The following SORCS2 variants were observed in gnomAD, a reference collection of about 807,000 sequenced individuals.
SORCS2 encodes sortilin related VPS10 domain containing receptor 2, also known as VPS10 domain-containing receptor SorCS2.
In SORCS2, 100 loss-of-function variants were observed where a neutral mutation model predicts 141.6. That is an observed-to-expected ratio of 0.71 (90% CI 0.60 to 0.83). The LOEUF is 0.83. Among genes scored for constraint, SORCS2 ranks in the 40% least tolerant of loss-of-function variants. The probability of loss-of-function intolerance (pLI) is 0.00; values close to 1 mark genes in which losing one functional copy is unlikely to be tolerated. For missense variants in SORCS2, 1,646 were observed against 1,560.2 expected (o/e 1.05, Z -0.93); for synonymous variants, 789 against 676.9 (o/e 1.17, Z -2.57).
intron 2 of SORCS2, among the ~76,000 whole-genome samples, chr4:7,413,781 C>A (rs996280219): frequency 1.3e-5 from 2 of 152,138 alleles, no homozygotes; most frequent in Non-Finnish European, 2.9e-5. Flanking sequence ...ACCTCTGAGT[C>A]ATTTCTGATT....
chr4:7,243,760 C>G (rs147802712), intron 1 of SORCS2, among the ~76,000 whole-genome samples: 28 of 152,362 alleles, frequency 1.8e-4, no homozygotes, highest in Middle Eastern at 3.4e-3. Flanking sequence ...GATCCCCCCC[C>G]ACAAACCCAA....
At chr4:7,448,344 A>G (rs1560292330) in intron 2 of SORCS2, among the ~76,000 whole-genome samples, 1 of 151,476 alleles carries the variant, frequency 6.6e-6, no homozygotes, top group Non-Finnish European at 1.5e-5. Context: ...GAGATGCTGG[A>G]CTCTAGGTTC....
intron 3 of SORCS2, among the ~76,000 whole-genome samples, chr4:7,593,319 G>C (rs1161631573): frequency 6.6e-6 from 1 of 152,220 alleles, no homozygotes; most frequent in East Asian, 1.9e-4. Flanking sequence ...AATGGAAATA[G>C]ACTCTGCTGT....
rs939719128 is a variant in SORCS2, at chr4:7,740,660, G to A, written c.*396G>A. The A allele has an allele frequency of 1.9e-4, 53 of 280,814 alleles. No individual in the cohort carries two copies. In the East Asian group the frequency reaches 2.9e-3, roughly 15 times the overall value. 17.4% of individuals were successfully genotyped at this position (280,814 alleles called of 1,614,324 possible). On this transcript the variant is annotated 3_prime_UTR_variant, in exon 27 of 27. Coordinates refer to ENST00000507866, the MANE Select transcript of SORCS2 (RefSeq NM_020777.3). ...CAGACCCGTTCAGACACTGCGTTGC[G>A]GGCTCCTTCCCCGCAGAGGCCGGGG...
intron 3 of SORCS2, among the ~76,000 whole-genome samples, chr4:7,544,082 A>G (rs1713058126): frequency 6.8e-6 from 1 of 148,022 alleles, no homozygotes; most frequent in South Asian, 2.2e-4. Flanking sequence ...CCATCCATCC[A>G]TCCATCCACC....
chr4:7,454,395 T>C, intron 2 of SORCS2, among the ~76,000 whole-genome samples: 1 of 118,276 alleles, frequency 8.5e-6, no homozygotes, highest in African/African-American at 3.3e-5. Flanking sequence ...GTGCTGTGTG[T>C]TGGGGTCAGG....
intron 1 of SORCS2, among the ~76,000 whole-genome samples, chr4:7,197,177 G>A (rs1004248751): frequency 2.0e-5 from 3 of 152,172 alleles, no homozygotes; most frequent in African/African-American, 7.2e-5. Context: ...CTCTGTGTGT[G>A]TCTGTGTCCT....
At chr4:7,621,580 T>C (rs1393077339) in intron 3 of SORCS2, among the ~76,000 whole-genome samples, 1 of 152,012 alleles carries the variant, frequency 6.6e-6, no homozygotes, top group African/African-American at 2.4e-5. Context: ...TGTATATGTG[T>C]GTGTTTATGT....
At chr4:7,637,683 C>T (rs543229597) in intron 3 of SORCS2, among the ~76,000 whole-genome samples, 163 of 149,592 alleles carry the variant, frequency 1.1e-3, no homozygotes, top group South Asian at 2.8e-3. Context: ...TGGGGGGGCC[C>T]AGCCCAGGCA....
At chr4:7,394,032 A>C (rs955824209) in intron 1 of SORCS2, among the ~76,000 whole-genome samples, 1 of 150,916 alleles carries the variant, frequency 6.6e-6, no homozygotes, top group African/African-American at 2.5e-5. Flanking sequence ...TTCCTGGGCG[A>C]CCTCCTTGTT....
At chr4:7,258,538 G>A (rs547031301) in intron 1 of SORCS2, among the ~76,000 whole-genome samples, 32 of 152,254 alleles carry the variant, frequency 2.1e-4, no homozygotes, top group Non-Finnish European at 3.8e-4. Context: ...TCTTTATCCA[G>A]TCTATCACTG....
At chr4:7,636,207 A>G (rs1720240160) in intron 3 of SORCS2, among the ~76,000 whole-genome samples, 1 of 151,722 alleles carries the variant, frequency 6.6e-6, no homozygotes, top group African/African-American at 2.4e-5. Flanking sequence ...TCTGGAGTCA[A>G]ATGCTTGGCT....
chr4:7,438,811 A>C (rs1727469231), intron 2 of SORCS2, among the ~76,000 whole-genome samples: 1 of 151,500 alleles, frequency 6.6e-6, no homozygotes, highest in Non-Finnish European at 1.5e-5. Flanking sequence ...CTTTCCTCTC[A>C]CCTGTCCACC....
chr4:7,425,091 G>A (rs919778740), intron 2 of SORCS2, among the ~76,000 whole-genome samples: 1 of 152,204 alleles, frequency 6.6e-6, no homozygotes, highest in Non-Finnish European at 1.5e-5. Flanking sequence ...CTGCAGGGGT[G>A]CCTCCCCTGT....
intron 1 of SORCS2, among the ~76,000 whole-genome samples, chr4:7,366,358 C>A (rs115311478): frequency 6.6e-6 from 1 of 151,992 alleles, no homozygotes; most frequent in Admixed American, 6.5e-5. Flanking sequence ...GCAGCAGGGT[C>A]GAGTTCCCTG....
chr4:7,709,562 G>A (rs187543144), intron 14 of SORCS2, among the ~76,000 whole-genome samples: 2 of 152,338 alleles, frequency 1.3e-5, no homozygotes, highest in Admixed American at 1.3e-4. Context: ...CCCAGTCCCA[G>A]TGACATACAA....
At chr4:7,497,496 C>A (rs965267776) in intron 2 of SORCS2, among the ~76,000 whole-genome samples, 2 of 152,240 alleles carry the variant, frequency 1.3e-5, no homozygotes, top group African/African-American at 4.8e-5. Context: ...AGGAGATGGA[C>A]CTGTGGAGAT....
At chr4:7,226,572 T>G (rs1400977624) in intron 1 of SORCS2, among the ~76,000 whole-genome samples, 1 of 152,080 alleles carries the variant, frequency 6.6e-6, no homozygotes, top group Non-Finnish European at 1.5e-5. Flanking sequence ...CCAGGCACAC[T>G]AACACACGCC....
At chr4:7,703,846 A>G (rs1725242798) in intron 13 of SORCS2, among the ~76,000 whole-genome samples, 1 of 152,228 alleles carries the variant, frequency 6.6e-6, no homozygotes. Context: ...AGATTACTCA[A>G]CTGCCAGATG....
Sources: allele counts gnomAD v4.1 joint callset (sites outside exome capture counted in the v4.1 genomes callset), GRCh38; gene constraint gnomAD v4.1.1; transcripts MANE v1.5; gene names NCBI Gene and HGNC (gene_info 2026-07-23, HGNC 2026-07-21).